The following ULK4 variants were observed in gnomAD, a reference collection of about 807,000 sequenced individuals.
The protein encoded by ULK4 is inactive serine/threonine-protein kinase ULK4.
In ULK4, 133 loss-of-function variants were observed where a neutral mutation model predicts 160.6. That is an observed-to-expected ratio of 0.83 (90% confidence interval 0.72 to 0.96). ULK4 has a LOEUF of 0.96. Among genes scored for constraint, ULK4 ranks in the 40% least tolerant of loss-of-function variants. The pLI is 0.00. For missense variants in ULK4, 1,580 were observed against 1,499.5 expected (o/e 1.05, Z -0.89); for synonymous variants, 534 against 539.8 (o/e 0.99, Z 0.15).
intron 31 of ULK4, among the ~76,000 whole-genome samples, chr3:41,590,450 T>C (rs1235162065): frequency 1.4e-4 from 9 of 62,952 alleles, no homozygotes; most frequent in Middle Eastern, 0.015. Flanking sequence ...ACCCCGTCTC[T>C]ACTAAAAATA....
chr3:41,659,436 A>G (rs980670235), intron 30 of ULK4, among the ~76,000 whole-genome samples: 1 of 152,256 alleles, frequency 6.6e-6, no homozygotes, highest in Non-Finnish European at 1.5e-5. Context: ...GGCAAAGGGC[A>G]TAAGCAGAAA....
chr3:41,895,280 T>G (rs1201353238), intron 16 of ULK4, among the ~76,000 whole-genome samples: 1 of 152,108 alleles, frequency 6.6e-6, no homozygotes, highest in African/African-American at 2.4e-5. Context: ...GTTAATAAAG[T>G]TTCCAGGAGT....
At chr3:41,684,686 T>C (rs1469069292) in intron 27 of ULK4, among the ~76,000 whole-genome samples, 1 of 152,248 alleles carries the variant, frequency 6.6e-6, no homozygotes, top group Non-Finnish European at 1.5e-5. Context: ...AGTAAATTCT[T>C]GGGGACCATG....
chr3:41,474,875 C>T lies in ULK4; in HGVS notation c.3227-11622G>A, dbSNP rs78154651. Among the ~76,000 whole-genome samples, 112 of 150,334 alleles carry T rather than the reference C, an allele frequency of 7.5e-4. 2 individuals are homozygous for T. In the East Asian group the frequency reaches 0.014, roughly 19 times the overall value. On this transcript the variant is annotated intron_variant, in intron 32 of 36. Transcript: ENST00000301831. Reference sequence around the variant, plus strand: ...CAACAATGTGGAGGAAAGGGAACTCCTGTACACTGTTGGTGAAATGTAAAT... The same window carrying T: ...CAACAATGTGGAGGAAAGGGAACTCTTGTACACTGTTGGTGAAATGTAAAT...
intron 5 of ULK4, among the ~76,000 whole-genome samples, chr3:41,921,006 G>A (rs1480002661): frequency 6.6e-6 from 1 of 152,140 alleles, no homozygotes; most frequent in African/African-American, 2.4e-5. Context: ...CCTAGAACTT[G>A]CCTAAACTAG....
At chr3:41,408,602 G>T (rs1489493473) in intron 34 of ULK4, among the ~76,000 whole-genome samples, 1 of 152,042 alleles carries the variant, frequency 6.6e-6, no homozygotes, top group Non-Finnish European at 1.5e-5. Context: ...GCAGAAATTG[G>T]TAAGTTGATC....
intron 35 of ULK4, among the ~76,000 whole-genome samples, chr3:41,360,726 T>G (rs2081125816): frequency 1.3e-5 from 2 of 152,014 alleles, no homozygotes; most frequent in South Asian, 4.1e-4. Flanking sequence ...TGAGAACACA[T>G]GTACACACGA....
intron 30 of ULK4, among the ~76,000 whole-genome samples, chr3:41,658,729 A>ACACACACACACACACACACACACACTCT (rs1553628698): frequency 2.7e-5 from 3 of 112,416 alleles, no homozygotes; most frequent in African/African-American, 1.3e-4. Context: ...GAAAAACAGT[A>ACACACACACACACACACACACACACTCT]CACACACACA....
At chr3:41,257,930 A>G (rs2078865785) in intron 35 of ULK4, among the ~76,000 whole-genome samples, 1 of 152,206 alleles carries the variant, frequency 6.6e-6, no homozygotes, top group Admixed American at 6.5e-5. Context: ...TTTTGAAACA[A>G]TAAGAGTTTG....
intron 32 of ULK4, among the ~76,000 whole-genome samples, chr3:41,506,767 A>AAAAAAAAAAAAAAAAAAAAAATAAATAT: frequency 7.0e-5 from 4 of 56,764 alleles, no homozygotes; most frequent in Admixed American, 2.2e-4. Flanking sequence ...TGTGATTTAA[A>AAAAAAAAAAAAAAAAAAAAAATAAATAT]ATATATATAT....
At chr3:41,901,177 T>TC (rs1698342688) in intron 12 of ULK4, among the ~76,000 whole-genome samples, 5 of 17,646 alleles carry the variant, frequency 2.8e-4, no homozygotes, top group African/African-American at 3.5e-4. Context: ...GGCTTCTTTT[T>TC]TTTTTTTTTT....
intron 25 of ULK4, among the ~76,000 whole-genome samples, chr3:41,707,165 G>T (rs1314280163): frequency 1.3e-5 from 2 of 151,934 alleles, no homozygotes; most frequent in African/African-American, 4.8e-5. Context: ...GTGTATTTTT[G>T]AATCTTACTG....
At chr3:41,658,731 A>ACACACACACACACACAGACACTCT (rs2035032633) in intron 30 of ULK4, among the ~76,000 whole-genome samples, 1 of 135,150 alleles carries the variant, frequency 7.4e-6, no homozygotes, top group African/African-American at 2.7e-5. Context: ...AAAACAGTAC[A>ACACACACACACACACAGACACTCT]CACACACACA....
intron 21 of ULK4, among the ~76,000 whole-genome samples, chr3:41,784,558 A>G (rs1193202369): frequency 6.6e-6 from 1 of 152,220 alleles, no homozygotes; most frequent in African/African-American, 2.4e-5. Context: ...ATCACAGTGT[A>G]TGGAACTAAC....
chr3:41,479,307 G>A (rs1188825631), intron 32 of ULK4, among the ~76,000 whole-genome samples: 1 of 152,134 alleles, frequency 6.6e-6, no homozygotes, highest in East Asian at 1.9e-4. Flanking sequence ...TTTGCAATAC[G>A]CTAAGCATTT....
At chr3:41,897,247 A>G (rs1698191196) in intron 14 of ULK4, among the ~76,000 whole-genome samples, 1 of 152,228 alleles carries the variant, frequency 6.6e-6, no homozygotes, top group African/African-American at 2.4e-5. Flanking sequence ...AATAAAGCAG[A>G]TGTCTAAAGC....
At chr3:41,469,625 A>AAAAAAAAAAAAAAAAAAAC (rs1559625851) in intron 32 of ULK4, among the ~76,000 whole-genome samples, 2 of 148,530 alleles carry the variant, frequency 1.3e-5, no homozygotes, top group Non-Finnish European at 3.0e-5. Flanking sequence ...AAAAAAAAAA[A>AAAAAAAAAAAAAAAAAAAC]AACACCTTAA....
At chr3:41,470,235 GA>G (rs1045014644) in intron 32 of ULK4, among the ~76,000 whole-genome samples, 1 of 152,014 alleles carries the variant, frequency 6.6e-6, no homozygotes, top group Non-Finnish European at 1.5e-5. Flanking sequence ...ACAGCAACAA[GA>G]AACACATTAC....
chr3:41,403,075 G>A (rs2082216700), intron 34 of ULK4, among the ~76,000 whole-genome samples: 1 of 151,884 alleles, frequency 6.6e-6, no homozygotes, highest in South Asian at 2.1e-4. Flanking sequence ...TCTTGAACCT[G>A]GGAGGCAGAG....
Sources: gnomAD v4.1 joint callset for allele counts (sites outside exome capture counted in the v4.1 genomes callset) on GRCh38, gnomAD v4.1.1 for gene constraint, MANE v1.5 for transcripts, NCBI Gene and HGNC (gene_info 2026-07-23, HGNC 2026-07-21) for gene names.